The following RPS24 variants were observed in gnomAD, a reference collection of about 807,000 sequenced individuals.
RPS24 encodes small ribosomal subunit protein eS24.
For synonymous variants in RPS24, 72 were observed against 55.6 expected, an observed-to-expected ratio of 1.30 and a Z score of -1.31; for missense variants, 100 against 162.5, an observed-to-expected ratio of 0.62 and a Z score of 2.09.
At chr10:78,052,110 C>G (rs1029540987) in intron 4 of RPS24, among the ~76,000 whole-genome samples, 1 of 152,272 alleles carries the variant, frequency 6.6e-6, no homozygotes, top group East Asian at 1.9e-4. Flanking sequence ...ACTGCAACCT[C>G]TGCCTCCCAG....
chr10:78,048,006 A>G (rs1370325456), intron 4 of RPS24, among the ~76,000 whole-genome samples: 2 of 152,178 alleles, frequency 1.3e-5, no homozygotes, highest in African/African-American at 2.4e-5. Flanking sequence ...GTAGGATGAG[A>G]GAGTGGTGCT....
chr10:78,040,121 T>C, intron 4 of RPS24, 83 bp from the exon 5 acceptor site: 1 of 1,327,472 alleles, frequency 7.5e-7, no homozygotes, highest in Non-Finnish European at 1.1e-6. Context: ...AAATGCAGAT[T>C]ATTTTGGAGT....
intron 4 of RPS24, among the ~76,000 whole-genome samples, chr10:78,050,127 T>C (rs1848083990): frequency 6.7e-6 from 1 of 149,912 alleles, no homozygotes; most frequent in Non-Finnish European, 1.5e-5. Context: ...CCTTCTCCCC[T>C]CCTTCCTCCT....
At chr10:78,045,908 A>G (rs1196837576) in intron 4 of RPS24, among the ~76,000 whole-genome samples, 1 of 151,928 alleles carries the variant, frequency 6.6e-6, no homozygotes, top group Admixed American at 6.6e-5. Context: ...AGGTGGAGGC[A>G]CGAGAATTGC....
At chr10:78,055,735 C>T (rs1263933324) in exon 5 of RPS24, 1 of 152,230 alleles carries the variant, frequency 6.6e-6, no homozygotes, top group Non-Finnish European at 1.5e-5. Flanking sequence ...GAACCTAGCC[C>T]CCTTGTCTCC....
chr10:78,040,610 C>G lies in RPS24; in HGVS notation c.*20-5C>G. 2 of 1,612,252 alleles carry G rather than the reference C, an allele frequency of 1.2e-6. No individual in the cohort carries two copies. Among genetic ancestry groups the G allele is most frequent in the Non-Finnish European group, 1.7e-6 (2 of 1,178,262 alleles). On this transcript the variant is annotated splice_polypyrimidine_tract_variant and splice_region_variant and intron_variant, in intron 5 of 5. Transcript: ENST00000372360. ...TTGACTAAACTTCTTTCTCTTGATT[C>G]ACAGCCGAAGGAGTAAAGGTGCTGC... is the stretch of plus-strand genomic sequence containing the variant.
intron 4 of RPS24, chr10:78,039,360 G>A (rs1847942743): frequency 6.6e-6 from 1 of 152,150 alleles, no homozygotes; most frequent in South Asian, 2.1e-4. Flanking sequence ...TAGCCTTTGA[G>A]TCCCACAGGT....
downstream of RPS24, among the ~76,000 whole-genome samples, chr10:78,043,548 GAAC>G (rs1277695873): frequency 6.6e-6 from 1 of 152,210 alleles, no homozygotes; most frequent in African/African-American, 2.4e-5. Context: ...TGGGTTTATT[GAAC>G]AAGTGTTAGA....
intron 3 of RPS24, 69 bp downstream of exon 3, chr10:78,035,789 G>C: frequency 7.6e-7 from 1 of 1,319,504 alleles, no homozygotes; most frequent in Non-Finnish European, 1.1e-6. Flanking sequence ...TGTTGTGAGT[G>C]TGGTAAAAAG....
intron 4 of RPS24, chr10:78,037,539 A>ATTGAT: frequency 1.8e-6 from 1 of 560,156 alleles, no homozygotes; most frequent in African/African-American, 1.9e-5. Context: ...TCTGGAGGCC[A>ATTGAT]CATTGGTTCA....
At chr10:78,044,199 A>G (rs7093637), downstream of RPS24, among the ~76,000 whole-genome samples, 3,467 of 152,274 alleles carry the variant, frequency 0.023, 133 homozygotes, top group African/African-American at 0.078. Flanking sequence ...GGATTACTGT[A>G]ACACCAGCAG....
intron 4 of RPS24, among the ~76,000 whole-genome samples, chr10:78,050,400 T>A (rs1589335708): frequency 6.6e-6 from 1 of 152,210 alleles, no homozygotes; most frequent in African/African-American, 2.4e-5. Context: ...GGGCTGCTGA[T>A]GTATCCAATG....
At chr10:78,042,247 G>A (rs1159983002), downstream of RPS24, among the ~76,000 whole-genome samples, 1 of 152,122 alleles carries the variant, frequency 6.6e-6, no homozygotes, top group East Asian at 1.9e-4. Context: ...TTGCTCCTAC[G>A]GCCAGCTAAC....
Position 78,037,212 on chromosome 10 carries a change from A to G in RPS24, c.298A>G (p.Lys100Glu). 1 of 1,605,106 alleles carries G rather than the reference A, an allele frequency of 6.2e-7. No individual in the cohort carries two copies. The highest frequency in any genetic ancestry group is 8.5e-7 in the Non-Finnish European group (1 of 1,176,008). Residue 100 changes from lysine to glutamate, a missense_variant, in exon 4 of 6, where the codon AAA becomes GAA. Lys to Glu is a moderately conservative substitution (Grantham distance 56). Transcript: ENST00000372360. Reference sequence around the variant, plus strand: ...CATTCAGCATGGCCTGTATGAGAAGAAAAAGACCTCAAGAAAGCAACGAAA... The same window carrying G: ...CATTCAGCATGGCCTGTATGAGAAGGAAAAGACCTCAAGAAAGCAACGAAA... The part of the protein sequence containing the change: ...RLARHGLYEK[K>E]KTSRKQRKER...
downstream of RPS24, among the ~76,000 whole-genome samples, chr10:78,045,598 C>A (rs1848035287): frequency 2.0e-5 from 3 of 152,002 alleles, no homozygotes; most frequent in Admixed American, 1.3e-4. Context: ...TCTCCTGCCT[C>A]AGTCTTCTGA....
intron 4 of RPS24, among the ~76,000 whole-genome samples, chr10:78,046,365 TGAGAATGAG>T (rs1848043668): frequency 6.7e-6 from 1 of 148,882 alleles, no homozygotes; most frequent in African/African-American, 2.5e-5. Context: ...TTTTTTTTTT[TGAGAATGAG>T]TCTCGCTCTG....
At chr10:78,042,274 C>T (rs941162362), downstream of RPS24, among the ~76,000 whole-genome samples, 2 of 152,200 alleles carry the variant, frequency 1.3e-5, no homozygotes, top group Non-Finnish European at 2.9e-5. Context: ...CTCTACCTGC[C>T]CTCTGGTCTT....
At chr10:78,055,094 C>A in exon 5 of RPS24, 1 of 1,440,586 alleles carries the variant, frequency 6.9e-7, no homozygotes. Context: ...CAGCAGGGCA[C>A]TGTGGAAATC....
chr10:78,037,883 TAATC>T (rs989240364), intron 4 of RPS24: 16 of 980,854 alleles, frequency 1.6e-5, no homozygotes, highest in Admixed American at 1.2e-4. Flanking sequence ...AATTAACAAA[TAATC>T]AAGTGTTCTG....
Sources: allele counts gnomAD v4.1 joint callset (sites outside exome capture counted in the v4.1 genomes callset), GRCh38; gene constraint gnomAD v4.1.1; transcripts MANE v1.5; gene names NCBI Gene and HGNC (gene_info 2026-07-23, HGNC 2026-07-21).